RAD18: variants seen among roughly 807,000 people sequenced by gnomAD.
The protein encoded by RAD18 is E3 ubiquitin-protein ligase RAD18.
RAD18 carries 47 observed loss-of-function variants against 60.4 expected under a neutral mutation model. The observed-to-expected ratio is 0.78, with a 90% CI of 0.62 to 0.99. The LOEUF (loss-of-function observed/expected upper bound fraction) is 0.99, where lower values mean the gene tolerates loss of function less well. Ranked by LOEUF, RAD18 falls within the 50% of genes least tolerant of loss-of-function variation. RAD18 has a pLI of 0.00. For synonymous variants in RAD18, 225 were observed against 195.5 expected, an observed-to-expected ratio of 1.15 and a Z score of -1.26; for missense variants, 640 against 593.3, an observed-to-expected ratio of 1.08 and a Z score of -0.82.
intron 12 of RAD18, among the ~76,000 whole-genome samples, chr3:8,886,330 C>A (rs938007641): frequency 6.6e-6 from 1 of 152,170 alleles, no homozygotes; most frequent in Non-Finnish European, 1.5e-5. Flanking sequence ...GCATGTCTGA[C>A]CTCCTGTGCT....
chr3:8,951,365 C>A (rs1168073010), intron 2 of RAD18, among the ~76,000 whole-genome samples: 2 of 152,064 alleles, frequency 1.3e-5, no homozygotes, highest in African/African-American at 4.8e-5. Context: ...AAATCATCAC[C>A]AACCTAAAAC....
intron 7 of RAD18, among the ~76,000 whole-genome samples, chr3:8,917,428 A>T (rs375923202): frequency 1.6e-4 from 25 of 152,312 alleles, no homozygotes; most frequent in African/African-American, 5.8e-4. Context: ...ACTACTCTAA[A>T]AGATAACTGT....
chr3:8,877,709 C>G lies in RAD18; in HGVS notation c.*3648G>C, dbSNP rs1411278158. 1.3e-5 allele frequency: 2 copies of G among 152,162 alleles called. No individual in the cohort carries two copies. The highest frequency in any genetic ancestry group is 1.3e-4 in the Admixed American group (2 of 15,280). 9.4% of individuals were successfully genotyped at this position (152,162 alleles called of 1,614,324 possible). A position where few individuals can be genotyped will look rare whatever the true frequency, so the allele number is the denominator to read the frequency against. On this transcript the variant is annotated 3_prime_UTR_variant, in exon 13 of 13. Transcript: ENST00000264926. The stretch of plus-strand genomic sequence containing the variant: ...CTCATCTTCCCTTCTGATCTACAAG[C>G]TCCATCAGGGCAGGAACTGTCTTTG...
intron 9 of RAD18, 52 bp from the exon 10 acceptor site, chr3:8,902,572 T>C (rs761435976): frequency 3.3e-6 from 5 of 1,505,964 alleles, no homozygotes; most frequent in South Asian, 2.5e-5. Context: ...AAGTTAACCA[T>C]CTACAACTGA....
intron 7 of RAD18, 86 bp downstream of exon 7, chr3:8,935,785 A>G (rs1193795391): frequency 8.2e-7 from 1 of 1,220,380 alleles, no homozygotes; most frequent in East Asian, 2.6e-5. Flanking sequence ...TTTATTTACA[A>G]TATTTTTCTA....
At chr3:8,900,441 T>C (rs992409007) in intron 10 of RAD18, among the ~76,000 whole-genome samples, 1 of 152,234 alleles carries the variant, frequency 6.6e-6, no homozygotes, top group Non-Finnish European at 1.5e-5. Flanking sequence ...ACATTGTCTG[T>C]ATTCTTTTCT....
At chr3:8,920,885 GAA>G (rs1467061339) in intron 7 of RAD18, among the ~76,000 whole-genome samples, 1 of 151,924 alleles carries the variant, frequency 6.6e-6, no homozygotes, top group Admixed American at 6.6e-5. Flanking sequence ...TGTACTGCAG[GAA>G]AAAAAATCTA....
At chr3:8,900,300 A>C (rs1266370381) in intron 10 of RAD18, among the ~76,000 whole-genome samples, 1 of 152,202 alleles carries the variant, frequency 6.6e-6, no homozygotes. Flanking sequence ...CCAGAATCAC[A>C]TTAAGAGGAG....
In RAD18 at chr3:8,958,398, A is replaced by G. The variant is rs566963378; in HGVS notation, c.133+522T>C. On this transcript the variant is annotated intron_variant, in intron 2 of 12. Coordinates refer to ENST00000264926, the MANE Select transcript of RAD18 (RefSeq NM_020165.4). ...AGGTACGATATTTTTAAATGCTTAT[A>G]TACTAGACTCTTAAAGAGAAGTACA... 2.2e-4 allele frequency among the ~76,000 whole-genome samples: 34 copies of G among 152,346 alleles called. No homozygotes were observed. In the South Asian group the frequency reaches 6.6e-3, roughly 30 times the overall value.
chr3:8,919,049 T>G (rs756775688), intron 7 of RAD18, among the ~76,000 whole-genome samples: 1 of 152,228 alleles, frequency 6.6e-6, no homozygotes, highest in Non-Finnish European at 1.5e-5. Context: ...CCGACCAACA[T>G]GTGAAATTGT....
chr3:8,918,636 C>CT (rs1940254094), intron 7 of RAD18, among the ~76,000 whole-genome samples: 3 of 152,026 alleles, frequency 2.0e-5, no homozygotes, highest in African/African-American at 7.3e-5. Context: ...ATAGACTATG[C>CT]TCTGGAGAAG....
intron 9 of RAD18, 117 bp downstream of exon 9, chr3:8,912,195 T>C (rs1940115744): frequency 6.3e-6 from 5 of 796,908 alleles, no homozygotes; most frequent in Non-Finnish European, 9.7e-6. Flanking sequence ...ATCTCTTAAG[T>C]AATGTTAACA....
intron 2 of RAD18, among the ~76,000 whole-genome samples, chr3:8,953,338 C>T (rs1213474364): frequency 1.3e-5 from 2 of 151,842 alleles, no homozygotes; most frequent in Non-Finnish European, 2.9e-5. Context: ...TATAATAAGG[C>T]TACTGCTTTC....
chr3:8,916,177 A>C (rs1575544632), intron 7 of RAD18, among the ~76,000 whole-genome samples: 1 of 152,338 alleles, frequency 6.6e-6, no homozygotes, highest in East Asian at 1.9e-4. Flanking sequence ...CTTCAGGAGG[A>C]TCAGGAAACC....
At chr3:8,927,321 A>T (rs1940459394) in intron 7 of RAD18, among the ~76,000 whole-genome samples, 1 of 152,234 alleles carries the variant, frequency 6.6e-6, no homozygotes, top group Non-Finnish European at 1.5e-5. Context: ...GCTCACCATC[A>T]CTGGCCATCA....
At chr3:8,929,724 C>G (rs1940517920) in intron 7 of RAD18, among the ~76,000 whole-genome samples, 1 of 151,746 alleles carries the variant, frequency 6.6e-6, no homozygotes, top group Non-Finnish European at 1.5e-5. Context: ...TCACTGCAAC[C>G]TCCGCCTCCT....
At chr3:8,955,933 T>C (rs1005939259) in intron 2 of RAD18, among the ~76,000 whole-genome samples, 1 of 152,218 alleles carries the variant, frequency 6.6e-6, no homozygotes, top group African/African-American at 2.4e-5. Context: ...CTGAATCCTA[T>C]TTATACTATG....
chr3:8,882,344 G>C (rs1168958420), intron 12 of RAD18, among the ~76,000 whole-genome samples: 4 of 152,146 alleles, frequency 2.6e-5, no homozygotes, highest in Admixed American at 1.3e-4. Flanking sequence ...CTGCTGCAGG[G>C]GGAATGGTAG....
At chr3:8,933,995 C>T (rs1940607815) in intron 7 of RAD18, among the ~76,000 whole-genome samples, 1 of 152,162 alleles carries the variant, frequency 6.6e-6, no homozygotes, top group South Asian at 2.1e-4. Flanking sequence ...TACACATGTA[C>T]AATTAGCTGA....
Sources: gnomAD v4.1 joint callset for allele counts (sites outside exome capture counted in the v4.1 genomes callset) on GRCh38, gnomAD v4.1.1 for gene constraint, MANE v1.5 for transcripts, NCBI Gene and HGNC (gene_info 2026-07-23, HGNC 2026-07-21) for gene names.